PSMG3: variants seen among roughly 807,000 people sequenced by gnomAD.
PSMG3 encodes proteasome assembly chaperone 3, also known as PAC-3.
A neutral mutation model predicts 7.9 loss-of-function variants in PSMG3; 4 were observed. The ratio of observed to expected loss-of-function variants is 0.51; its 90% confidence interval spans 0.25 to 1.16. The LOEUF (loss-of-function observed/expected upper bound fraction) is 1.16, where lower values mean the gene tolerates loss of function less well. Ranked by LOEUF, PSMG3 falls within the 50% of genes most tolerant of loss-of-function variation. The pLI is 0.15. For synonymous variants in PSMG3, 81 were observed against 69.8 expected (o/e 1.16, Z -0.80); for missense variants, 151 against 157.4 (o/e 0.96, Z 0.22).
Position 1,569,602 on chromosome 7 carries a change from T to G in PSMG3, c.-263A>C. On this transcript the variant is annotated 5_prime_UTR_variant, in exon 1 of 2. Transcript: ENST00000288607. ...GCCAACATAGCGAGACCCCCATCTC[T>G]ACCAAAAAAAAAAAAAAAAAAAACC... 6.5e-6 allele frequency: 1 copy of G among 153,718 alleles called. No individual in the cohort carries two copies. The allele number at this position is 153,718 out of a possible 1,614,324, so 9.5% of individuals were successfully genotyped here. A position where few individuals can be genotyped will look rare whatever the true frequency, so the allele number is the denominator to read the frequency against.
chr7:1,569,251 C>A lies in PSMG3; in HGVS notation c.89G>T (p.Ser30Ile), dbSNP rs556186645. 2.5e-6 allele frequency: 4 copies of A among 1,613,676 alleles called. No homozygotes were observed. The highest frequency in any genetic ancestry group is 1.3e-5 in the African/African-American group (1 of 74,950). The change falls in exon 1 of 2, where the codon AGT (serine) becomes ATT (isoleucine). Residue 30 changes from serine to isoleucine, a missense_variant. Ser to Ile is a moderately radical substitution (Grantham distance 142). Coordinates refer to ENST00000288607, the MANE Select transcript of PSMG3 (RefSeq NM_032302.4). ...PTQVVCTAFS[S>I]HILVVVTQFG... ...CTGGGTCACCACCACCAGGATGTGA[C>A]TGCTGAAGGCCGTACACACCACCTG...
At chr7:1,568,003 G>A (rs967887249) in intron 1 of PSMG3, among the ~76,000 whole-genome samples, 153 bp from the exon 2 acceptor site, 1 of 152,074 alleles carries the variant, frequency 6.6e-6, no homozygotes, top group African/African-American at 2.4e-5. Flanking sequence ...CAGAGTTCTG[G>A]CAGCACTCAG....
chr7:1,568,511 G>A (rs890392282), intron 1 of PSMG3, among the ~76,000 whole-genome samples: 33 of 151,536 alleles, frequency 2.2e-4, no homozygotes, highest in African/African-American at 8.0e-4. Context: ...TCTCACCCAG[G>A]CTGGAGCGCA....
At chr7:1,568,076 C>T (rs536252512) in intron 1 of PSMG3, among the ~76,000 whole-genome samples, 19 of 152,152 alleles carry the variant, frequency 1.2e-4, no homozygotes, top group African/African-American at 4.6e-4. Flanking sequence ...CAGCGCCTTC[C>T]GCAGCCCCGC....
rs77908570 is a variant in PSMG3 at position 1,568,339 on chromosome 7, G to T, written c.217-489C>A. Among the ~76,000 whole-genome samples the T allele has an allele frequency of 3.4e-4, 52 of 152,048 alleles. 1 individual carries two copies. The highest frequency in any genetic ancestry group is 1.2e-3 in the African/African-American group (48 of 41,424). Reference sequence around the variant, plus strand: ...GGCGCCTTGAGACCCACAAATGCCCGGAAAATGCTATCGCTGTAGGGGTAT... The same window carrying T: ...GGCGCCTTGAGACCCACAAATGCCCTGAAAATGCTATCGCTGTAGGGGTAT... On this transcript the variant is annotated intron_variant, in intron 1 of 1. Coordinates refer to ENST00000288607, the MANE Select transcript of PSMG3 (RefSeq NM_032302.4).
At chr7:1,568,824 T>C (rs990482982) in intron 1 of PSMG3, among the ~76,000 whole-genome samples, 3 of 152,128 alleles carry the variant, frequency 2.0e-5, no homozygotes, top group African/African-American at 7.2e-5. Context: ...ATTTTTATAT[T>C]TTTCGTAGAA....
At chr7:1,568,370 C>T (rs910012860) in intron 1 of PSMG3, among the ~76,000 whole-genome samples, 2 of 151,972 alleles carry the variant, frequency 1.3e-5, no homozygotes, top group African/African-American at 2.4e-5. Context: ...GGTATTTGTC[C>T]GCCAGATGCC....
rs767656248 is a variant in PSMG3, at chr7:1,569,162, G to T, written c.178C>A (p.Pro60Thr). Residue 60 changes from proline to threonine, a missense_variant, in exon 1 of 2, where the codon CCT becomes ACT. By Grantham distance (38) the Pro-to-Thr change is conservative. Coordinates refer to ENST00000288607, the MANE Select transcript of PSMG3 (RefSeq NM_032302.4). ...PSSVASDVSK[P>T]VLTTKVLLGQ... ...AGAAGGACTTTTGTGGTGAGCACAG[G>T]CTTGCTGACGTCACTGGCCACGCTG... is the stretch of plus-strand genomic sequence containing the variant. 2.5e-6 allele frequency: 4 copies of T among 1,613,556 alleles called. No individual in the cohort carries two copies. Among genetic ancestry groups the T allele is most frequent in the Non-Finnish European group, 3.4e-6 (4 of 1,180,042 alleles).
Position 1,567,626 on chromosome 7 carries a change from G to A in PSMG3, c.*72C>T, listed in dbSNP as rs776548167. The A allele has an allele frequency of 2.0e-6, 3 of 1,478,368 alleles. No homozygotes were observed. The highest frequency in any genetic ancestry group is 2.7e-6 in the Non-Finnish European group (3 of 1,099,126). The allele number at this position is 1,478,368 out of a possible 1,614,324, so 91.6% of individuals were successfully genotyped here. A position where few individuals can be genotyped will look rare whatever the true frequency, so the allele number is the denominator to read the frequency against. On this transcript the variant is annotated 3_prime_UTR_variant, in exon 2 of 2. Transcript: ENST00000288607. ...CTCCCTCCACCGGGGAGGGAGGTGA[G>A]ACTTGAGTCCCTGAGTGGGTGTCTG...
At chr7:1,568,946 C>A (rs769679256) in intron 1 of PSMG3, among the ~76,000 whole-genome samples, 178 bp downstream of exon 1, 3 of 151,738 alleles carry the variant, frequency 2.0e-5, no homozygotes, top group Non-Finnish European at 2.9e-5. Context: ...CTGCACCCAG[C>A]CTCTCTCTAT....
chr7:1,567,626 G>C lies in PSMG3; in HGVS notation c.*72C>G, dbSNP rs776548167. Reference sequence around the variant, plus strand: ...CTCCCTCCACCGGGGAGGGAGGTGAGACTTGAGTCCCTGAGTGGGTGTCTG... The same window carrying C: ...CTCCCTCCACCGGGGAGGGAGGTGACACTTGAGTCCCTGAGTGGGTGTCTG... On this transcript the variant is annotated 3_prime_UTR_variant, in exon 2 of 2. Transcript: ENST00000288607. 3.1e-5 allele frequency: 46 copies of C among 1,478,250 alleles called. No individual in the cohort carries two copies. The highest frequency in any genetic ancestry group is 4.0e-5 in the Non-Finnish European group (44 of 1,099,134). 91.6% of individuals were successfully genotyped at this position (1,478,250 alleles called of 1,614,324 possible). A position where few individuals can be genotyped will look rare whatever the true frequency, so the allele number is the denominator to read the frequency against.
At position 1,569,434 on chromosome 7, in the gene PSMG3, AG is replaced by A. The variant is rs1778838122; in HGVS notation, c.-96del. On this transcript the variant is annotated 5_prime_UTR_variant, in exon 1 of 2. It removes the in-frame stop codon of an upstream open reading frame in the 5' UTR. Coordinates refer to ENST00000288607, the MANE Select transcript of PSMG3 (RefSeq NM_032302.4). ...AGTACAGCCTTGGGGCTCCCAAAAA[AG>A]TAGCACGGGGCATTGAAACGGAAAC... is the stretch of plus-strand genomic sequence containing the variant. 5 of 1,039,212 alleles carry A rather than the reference AG, an allele frequency of 4.8e-6. No homozygotes were observed. Among genetic ancestry groups the A allele is most frequent in the Non-Finnish European group, 6.8e-6 (5 of 732,290 alleles). 64.4% of individuals were successfully genotyped at this position (1,039,212 alleles called of 1,614,324 possible).
Position 1,567,524 on chromosome 7 carries a change from G to C in PSMG3, c.*174C>G. On this transcript the variant is annotated 3_prime_UTR_variant, in exon 2 of 2. Coordinates refer to ENST00000288607, the MANE Select transcript of PSMG3 (RefSeq NM_032302.4). ...TCCACCCTCCCCGTCATGCACAGAT[G>C]ATCTTAGTAACCAGAGTAAGAGTCT... 1.7e-6 allele frequency: 1 copy of C among 594,008 alleles called. No homozygotes were observed. The highest frequency in any genetic ancestry group is 3.3e-5 in the Admixed American group (1 of 30,570). The allele number at this position is 594,008 out of a possible 1,614,324, so 36.8% of individuals were successfully genotyped here.
At chr7:1,569,069 C>G in intron 1 of PSMG3, 55 bp downstream of exon 1, 1 of 1,525,384 alleles carries the variant, frequency 6.6e-7, no homozygotes, top group Non-Finnish European at 9.0e-7. Flanking sequence ...GCCTAGGCCT[C>G]TGAAAGTGCT....
At chr7:1,569,091 C>T (rs1211341761) in intron 1 of PSMG3, 33 bp downstream of exon 1, 11 of 1,592,928 alleles carry the variant, frequency 6.9e-6, no homozygotes, top group African/African-American at 1.3e-5. Context: ...GGGTTACAGG[C>T]GTGAGCCACA....
At position 1,569,306 on chromosome 7, in the gene PSMG3, T is replaced by G; in HGVS notation, c.34A>C (p.Lys12Gln). ...EDTPLVISKQKTEVVCGVPTQ... is the reference protein window; with the variant it reads ...EDTPLVISKQQTEVVCGVPTQ... ...GGGACCCCGCACACCACCTCCGTCTTCTGCTTCGATATCACCAACGGCGTG... is the reference window on the plus strand; with the variant it reads ...GGGACCCCGCACACCACCTCCGTCTGCTGCTTCGATATCACCAACGGCGTG... Residue 12 changes from lysine (K) to glutamine (Q), a missense_variant, in exon 1 of 2, where the codon AAG (lysine) becomes CAG (glutamine). Lys to Gln is a moderately conservative substitution (Grantham distance 53, BLOSUM62 1). Coordinates refer to ENST00000288607, the MANE Select transcript of PSMG3 (RefSeq NM_032302.4). 1 of 1,611,354 alleles carries G rather than the reference T, an allele frequency of 6.2e-7. No homozygotes were observed. Among genetic ancestry groups the G allele is most frequent in the Non-Finnish European group, 8.5e-7 (1 of 1,179,186 alleles).
At chr7:1,568,083 C>G (rs984566224) in intron 1 of PSMG3, among the ~76,000 whole-genome samples, 2 of 152,134 alleles carry the variant, frequency 1.3e-5, no homozygotes, top group African/African-American at 4.8e-5. Flanking sequence ...TTCCGCAGCC[C>G]CGCCTCTTCT....
chr7:1,568,908 A>T (rs1778823016), intron 1 of PSMG3, among the ~76,000 whole-genome samples: 1 of 152,196 alleles, frequency 6.6e-6, no homozygotes, highest in Admixed American at 6.5e-5. Flanking sequence ...TCAGCCTCCC[A>T]AAGTGCTGGG....
rs576470740 is a variant in PSMG3, at chr7:1,569,625, A to C, written c.-286T>G. ...TCTACCAAAAAAAAAAAAAAAAAAA[A>C]CCAGCAGGGCGCGCCTGTGGTCCCA... On this transcript the variant is annotated 5_prime_UTR_variant, in exon 1 of 2. Coordinates refer to ENST00000288607, the MANE Select transcript of PSMG3 (RefSeq NM_032302.4). 64 of 280,494 alleles carry C rather than the reference A, an allele frequency of 2.3e-4. No individual in the cohort carries two copies. Among genetic ancestry groups the C allele is most frequent in the South Asian group, 9.6e-4 (16 of 16,732 alleles). The allele number at this position is 280,494 out of a possible 1,614,324, so 17.4% of individuals were successfully genotyped here.
Sources: gnomAD v4.1 joint callset for allele counts (sites outside exome capture counted in the v4.1 genomes callset) on GRCh38, gnomAD v4.1.1 for gene constraint, MANE v1.5 for transcripts, NCBI Gene and HGNC (gene_info 2026-07-23, HGNC 2026-07-21) for gene names.